Variants in FILIP1 observed in about 807,000 individuals in gnomAD.
FILIP1 encodes filamin A interacting protein 1, also known as filamin-A-interacting protein 1.
FILIP1 carries 61 observed loss-of-function variants against 102.1 expected under a neutral mutation model. The ratio of observed to expected loss-of-function variants is 0.60; its 90% CI spans 0.49 to 0.74. The LOEUF (loss-of-function observed/expected upper bound fraction) is 0.74. Ranked by LOEUF, FILIP1 falls within the 30% of genes least tolerant of loss-of-function variation. FILIP1 has a pLI of 0.00. For missense variants in FILIP1, 1,314 were observed against 1,441.2 expected, an observed-to-expected ratio of 0.91 and a Z score of 1.43; for synonymous variants, 491 against 526.9, an observed-to-expected ratio of 0.93 and a Z score of 0.93.
rs776999682 is a variant in FILIP1, at chr6:75,372,661, GAA to G, written c.277-9746_277-9745del. The stretch of plus-strand genomic sequence containing the variant: ...AGAAAGAAAGAAAGAAAGAAAGAAA[GAA>G]AGAAAGAAAGAAAGAAAGAAAGAGA... On this transcript the variant is annotated intron_variant, in intron 2 of 5. Transcript: ENST00000237172. Among the ~76,000 whole-genome samples, 4 of 59,752 alleles carry G rather than the reference GAA, an allele frequency of 6.7e-5. 1 individual carries two copies. Among genetic ancestry groups the G allele is most frequent in the African/African-American group, 3.7e-4 (4 of 10,732 alleles). 39.2% of individuals were successfully genotyped at this position (59,752 alleles called of 152,430 possible).
intron 4 of FILIP1, among the ~76,000 whole-genome samples, chr6:75,336,338 G>A (rs879809071): frequency 2.0e-5 from 3 of 152,126 alleles, no homozygotes; most frequent in Non-Finnish European, 4.4e-5. Context: ...AACTTACAGG[G>A]CTGTTATGAG....
At chr6:75,431,165 GAGGGC>G (rs1777810582) in intron 1 of FILIP1, among the ~76,000 whole-genome samples, 1 of 152,172 alleles carries the variant, frequency 6.6e-6, no homozygotes, top group South Asian at 2.1e-4. Flanking sequence ...TACTGAGCAT[GAGGGC>G]AGAGGAAGGT....
intron 1 of FILIP1, among the ~76,000 whole-genome samples, chr6:75,420,496 C>T (rs1466387054): frequency 6.6e-6 from 1 of 152,076 alleles, no homozygotes; most frequent in East Asian, 1.9e-4. Flanking sequence ...CGGTAGCTGT[C>T]CTCTACTTTC....
At chr6:75,453,747 G>A (rs1778720959) in intron 1 of FILIP1, among the ~76,000 whole-genome samples, 1 of 152,108 alleles carries the variant, frequency 6.6e-6, no homozygotes, top group East Asian at 1.9e-4. Context: ...AGGGGTTCAA[G>A]GTCACTGTGA....
chr6:75,430,401 T>C, intron 1 of FILIP1, among the ~76,000 whole-genome samples: 1 of 152,306 alleles, frequency 6.6e-6, no homozygotes, highest in East Asian at 1.9e-4. Context: ...AAAACATGTA[T>C]ATGTATTTAT....
chr6:75,390,796 A>T (rs933156180), intron 2 of FILIP1, among the ~76,000 whole-genome samples: 2 of 152,098 alleles, frequency 1.3e-5, no homozygotes, highest in African/African-American at 4.8e-5. Context: ...CCCCTGGGTC[A>T]TTCATTTTCC....
intron 2 of FILIP1, among the ~76,000 whole-genome samples, chr6:75,410,334 ATT>A (rs1224000999): frequency 6.7e-6 from 1 of 150,096 alleles, no homozygotes; most frequent in Non-Finnish European, 1.5e-5. Context: ...ATTCAGAAAG[ATT>A]TTTTTTTTCT....
At chr6:75,419,415 T>C (rs557422449) in intron 1 of FILIP1, among the ~76,000 whole-genome samples, 4 of 152,294 alleles carry the variant, frequency 2.6e-5, no homozygotes, top group African/African-American at 9.6e-5. Context: ...TATCTATATA[T>C]ATTTTCAAGA....
chr6:75,489,049 G>A (rs190208781), intron 1 of FILIP1, among the ~76,000 whole-genome samples: 13 of 152,220 alleles, frequency 8.5e-5, no homozygotes, highest in Admixed American at 8.5e-4. Context: ...GAGAAATAAA[G>A]AATGATAAAT....
chr6:75,466,060 C>T (rs1257979366), intron 1 of FILIP1, among the ~76,000 whole-genome samples: 2 of 152,226 alleles, frequency 1.3e-5, no homozygotes, highest in Admixed American at 6.5e-5. Context: ...CAGATATTCA[C>T]ATGGCTTATT....
intron 2 of FILIP1, among the ~76,000 whole-genome samples, chr6:75,379,366 T>C (rs953300068): frequency 1.3e-5 from 2 of 152,242 alleles, no homozygotes; most frequent in African/African-American, 4.8e-5. Context: ...GGCGACTGTT[T>C]CGTTTGCATT....
intron 2 of FILIP1, among the ~76,000 whole-genome samples, chr6:75,410,853 C>G (rs1211291251): frequency 4.6e-5 from 7 of 152,132 alleles, no homozygotes; most frequent in Admixed American, 4.6e-4. Flanking sequence ...CCATTTTTTG[C>G]TATTGTGAAT....
chr6:75,424,163 G>A (rs546176897), intron 1 of FILIP1, among the ~76,000 whole-genome samples: 1 of 152,270 alleles, frequency 6.6e-6, no homozygotes, highest in Non-Finnish European at 1.5e-5. Flanking sequence ...ACACAGGTCT[G>A]TTTGGATTCT....
At chr6:75,304,887 T>A (rs1772937909), downstream of FILIP1, among the ~76,000 whole-genome samples, 1 of 152,184 alleles carries the variant, frequency 6.6e-6, no homozygotes, top group Non-Finnish European at 1.5e-5. Context: ...GTATATGAAT[T>A]TCTTTATTAA....
intron 2 of FILIP1, among the ~76,000 whole-genome samples, chr6:75,393,289 GT>G (rs1205839121): frequency 6.6e-6 from 1 of 151,932 alleles, no homozygotes; most frequent in Non-Finnish European, 1.5e-5. Flanking sequence ...AATAAATAAA[GT>G]TATTCATATA....
chr6:75,407,228 T>G (rs530300248), intron 2 of FILIP1, among the ~76,000 whole-genome samples: 9 of 152,116 alleles, frequency 5.9e-5, no homozygotes, highest in Admixed American at 2.0e-4. Context: ...TTTTATAAAT[T>G]TTTTATTTTT....
chr6:75,479,960 T>C (rs1245960725), intron 1 of FILIP1, among the ~76,000 whole-genome samples: 2 of 151,514 alleles, frequency 1.3e-5, no homozygotes, highest in African/African-American at 4.8e-5. Context: ...TATTTTAACT[T>C]TGTTCATGAT....
exon 7 of FILIP1, chr6:75,295,470 A>G (rs1772644842): frequency 6.6e-6 from 1 of 152,424 alleles, no homozygotes; most frequent in Admixed American, 6.5e-5. Flanking sequence ...TTCAGAATTA[A>G]CAAATTGATA....
At chr6:75,323,432 G>C (rs1015101349) in intron 4 of FILIP1, among the ~76,000 whole-genome samples, 6 of 152,184 alleles carry the variant, frequency 3.9e-5, no homozygotes, top group Non-Finnish European at 7.4e-5. Flanking sequence ...GATAAAGGGA[G>C]AAAGATTGTA....
Sources: gnomAD v4.1 joint callset for allele counts (sites outside exome capture counted in the v4.1 genomes callset) on GRCh38, gnomAD v4.1.1 for gene constraint, MANE v1.5 for transcripts, NCBI Gene and HGNC (gene_info 2026-07-23, HGNC 2026-07-21) for gene names.